Variants in SEMA6D observed in about 807,000 individuals in gnomAD.
SEMA6D encodes semaphorin-6D.
In SEMA6D, 35 loss-of-function variants were observed where a neutral mutation model predicts 106.6. That is an observed-to-expected ratio of 0.33 (90% confidence interval 0.25 to 0.44). The LOEUF (loss-of-function observed/expected upper bound fraction) is 0.44. Among genes scored for constraint, SEMA6D ranks in the 20% least tolerant of loss-of-function variants. SEMA6D has a pLI of 1.00. For missense variants in SEMA6D, 1,185 were observed against 1,345.9 expected, an observed-to-expected ratio of 0.88 and a Z score of 1.87; for synonymous variants, 499 against 487.7, an observed-to-expected ratio of 1.02 and a Z score of -0.31.
At chr15:47,273,128 G>C (rs1182763369) in intron 1 of SEMA6D, among the ~76,000 whole-genome samples, 1 of 152,002 alleles carries the variant, frequency 6.6e-6, no homozygotes, top group African/African-American at 2.4e-5. Flanking sequence ...TACACCATTT[G>C]TTGTGGATCT....
intron 3 of SEMA6D, among the ~76,000 whole-genome samples, chr15:47,552,853 AATATATATATATTTTT>A (rs1566882742): frequency 7.5e-5 from 5 of 66,894 alleles, no homozygotes; most frequent in African/African-American, 6.4e-4. Flanking sequence ...AATATATATA[AATATATATATATTTTT>A]ATATATATAT....
intron 2 of SEMA6D, 154 bp downstream of exon 2, chr15:47,760,061 T>C: frequency 1.4e-6 from 1 of 689,854 alleles, no homozygotes; most frequent in Non-Finnish European, 2.4e-6. Context: ...TCCTAGTGTT[T>C]GGAGAAAACG....
intron 1 of SEMA6D, chr15:47,393,623 G>A (rs1205413882): frequency 6.6e-6 from 1 of 152,136 alleles, no homozygotes; most frequent in Non-Finnish European, 1.5e-5. Context: ...AGGCCTTCCA[G>A]TGTTAATCAT....
At chr15:47,353,068 TG>T (rs2038391459) in intron 1 of SEMA6D, among the ~76,000 whole-genome samples, 2 of 50,240 alleles carry the variant, frequency 4.0e-5, no homozygotes, top group Middle Eastern at 9.1e-3. Context: ...GTTTATTTTG[TG>T]TGTGTGTGTG....
At chr15:47,321,083 C>G (rs921861186) in intron 1 of SEMA6D, among the ~76,000 whole-genome samples, 2 of 152,154 alleles carry the variant, frequency 1.3e-5, no homozygotes, top group Non-Finnish European at 2.9e-5. Context: ...TAACAGGGCT[C>G]TATCTCTTTA....
At chr15:47,519,185 GTTAT>G (rs1291269550) in intron 3 of SEMA6D, among the ~76,000 whole-genome samples, 1 of 152,148 alleles carries the variant, frequency 6.6e-6, no homozygotes, top group African/African-American at 2.4e-5. Flanking sequence ...CCAGAATGTA[GTTAT>G]TTATTACCAT....
chr15:47,739,864 A>T (rs1402724083), intron 1 of SEMA6D, among the ~76,000 whole-genome samples: 1 of 152,244 alleles, frequency 6.6e-6, no homozygotes, highest in African/African-American at 2.4e-5. Context: ...AATAATATCA[A>T]CACAATAACC....
At chr15:47,639,290 A>G (rs1280570115) in intron 4 of SEMA6D, among the ~76,000 whole-genome samples, 1 of 152,248 alleles carries the variant, frequency 6.6e-6, no homozygotes, top group African/African-American at 2.4e-5. Context: ...ATGTAACTGA[A>G]AAAGCTCTCA....
chr15:47,255,758 G>T (rs7167370), intron 1 of SEMA6D, among the ~76,000 whole-genome samples: 148,772 of 152,268 alleles, frequency 0.98, 72,781 homozygotes, highest in Middle Eastern at 1. Context: ...GTATAAAAAT[G>T]CTTTGAATAG....
At chr15:47,437,458 G>A (rs1004706956) in intron 2 of SEMA6D, among the ~76,000 whole-genome samples, 3 of 152,010 alleles carry the variant, frequency 2.0e-5, no homozygotes, top group African/African-American at 7.2e-5. Flanking sequence ...AGTTCCTGCT[G>A]GACTGAAAAT....
At chr15:47,555,257 C>T (rs754072578) in intron 3 of SEMA6D, among the ~76,000 whole-genome samples, 5 of 152,084 alleles carry the variant, frequency 3.3e-5, no homozygotes, top group Non-Finnish European at 7.4e-5. Context: ...CTCCCAACCC[C>T]AGAAACCTCT....
At position 47,771,737 on chromosome 15, in the gene SEMA6D, T is replaced by C; in HGVS notation, c.3174T>C (p.Phe1058=). ...LKPDVPPKPS[F]VPQTPSVRPL... ...CTGACGTGCCACCAAAGCCTTCCTT[T>C]GTTCCTCAAACCCCATCTGTCAGAC... Residue 1058 remains phenylalanine (F), a synonymous_variant, in exon 19 of 19, where the codon TTT becomes TTC. Transcript: ENST00000536845. The C allele has an allele frequency of 6.2e-7, 1 of 1,614,042 alleles. No homozygotes were observed. The highest frequency in any genetic ancestry group is 8.5e-7 in the Non-Finnish European group (1 of 1,179,950).
intron 1 of SEMA6D, among the ~76,000 whole-genome samples, chr15:47,228,003 A>T (rs1383525208): frequency 5.5e-5 from 1 of 18,172 alleles, no homozygotes; most frequent in Non-Finnish European, 1.0e-4. Flanking sequence ...TATATATTTT[A>T]TATATATAAG....
chr15:47,627,529 G>T (rs2077224062), intron 4 of SEMA6D, among the ~76,000 whole-genome samples: 2 of 152,072 alleles, frequency 1.3e-5, no homozygotes, highest in Non-Finnish European at 2.9e-5. Flanking sequence ...GATATGGTGA[G>T]AATTTATGCT....
chr15:47,290,089 G>A (rs2035535476), intron 1 of SEMA6D, among the ~76,000 whole-genome samples: 1 of 152,178 alleles, frequency 6.6e-6, no homozygotes, highest in African/African-American at 2.4e-5. Context: ...GCAGCATACT[G>A]CCTATGGGAC....
At position 47,405,559 on chromosome 15, in the gene SEMA6D, G is replaced by A. The variant is rs117776031; in HGVS notation, c.-238-6834G>A. 4.3e-3 allele frequency among the ~76,000 whole-genome samples: 650 copies of A among 152,274 alleles called. 11 individuals are homozygous for A. The highest frequency in any genetic ancestry group is 0.038 in the East Asian group (195 of 5,162). ...AGGGCTGTATACCAGCCTATAAAAT[G>A]AATCAGTGCCTCAGGGTCTTTCCCA... On this transcript the variant is annotated intron_variant, in intron 1 of 19. Transcript: ENST00000558014.
At chr15:47,254,875 T>TTTTTTTTGTGTGTGTGTGTG (rs1555411185) in intron 1 of SEMA6D, among the ~76,000 whole-genome samples, 2 of 134,308 alleles carry the variant, frequency 1.5e-5, no homozygotes, top group African/African-American at 5.6e-5. Context: ...ACCTGTGGTT[T>TTTTTTTTGTGTGTGTGTGTG]TGTGTGTGTG....
chr15:47,269,678 A>G (rs1489201659), intron 1 of SEMA6D, among the ~76,000 whole-genome samples: 3 of 152,090 alleles, frequency 2.0e-5, no homozygotes, highest in Non-Finnish European at 4.4e-5. Context: ...ATGTTTAGTA[A>G]TGTATCTGAG....
chr15:47,401,437 A>C (rs1278439293), intron 1 of SEMA6D, among the ~76,000 whole-genome samples: 1 of 152,188 alleles, frequency 6.6e-6, no homozygotes, highest in Admixed American at 6.6e-5. Context: ...AGCTCTTTAA[A>C]ATTATCTACA....
Sources: allele counts gnomAD v4.1 joint callset (sites outside exome capture counted in the v4.1 genomes callset), GRCh38; gene constraint gnomAD v4.1.1; transcripts MANE v1.5; gene names NCBI Gene and HGNC (gene_info 2026-07-23, HGNC 2026-07-21).